PARD3: variants seen among roughly 807,000 people sequenced by gnomAD.
PARD3 encodes the protein partitioning defective 3 homolog.
Under a neutral mutation model 155.4 loss-of-function variants are expected in PARD3, and 75 were observed. The ratio of observed to expected loss-of-function variants is 0.48; its 90% CI spans 0.40 to 0.58. PARD3 has a LOEUF of 0.58. Among genes scored for constraint, PARD3 ranks in the 20% least tolerant of loss-of-function variants. The pLI is 0.00. For missense variants in PARD3, 1,642 were observed against 1,721.7 expected (o/e 0.95, Z 0.82); for synonymous variants, 576 against 610.5 (o/e 0.94, Z 0.83).
At chr10:34,741,173 A>ATTTTTTTTTTT (rs1470627211) in intron 1 of PARD3, among the ~76,000 whole-genome samples, 1 of 82,946 alleles carries the variant, frequency 1.2e-5, no homozygotes, top group African/African-American at 3.4e-5. Context: ...TCGTAAACCA[A>ATTTTTTTTTTT]ATTTTTTTTT....
chr10:34,269,264 A>G (rs1412482026), intron 22 of PARD3, among the ~76,000 whole-genome samples: 2 of 152,222 alleles, frequency 1.3e-5, no homozygotes, highest in East Asian at 3.8e-4. Context: ...CTAAATCATA[A>G]GTGGAACAAA....
At chr10:34,340,924 T>C (rs1307035831) in intron 16 of PARD3, among the ~76,000 whole-genome samples, 2 of 152,178 alleles carry the variant, frequency 1.3e-5, no homozygotes, top group Non-Finnish European at 2.9e-5. Context: ...ATACTTCACA[T>C]GGTTTGTGTT....
intron 4 of PARD3, among the ~76,000 whole-genome samples, chr10:34,452,594 T>A (rs2077118003): frequency 6.6e-6 from 1 of 152,112 alleles, no homozygotes; most frequent in African/African-American, 2.4e-5. Flanking sequence ...ACCCCTCTGC[T>A]CCTTCCTGAA....
chr10:34,295,444 G>A (rs965187238), intron 20 of PARD3, among the ~76,000 whole-genome samples: 4 of 152,148 alleles, frequency 2.6e-5, no homozygotes, highest in African/African-American at 4.8e-5. Context: ...GAACTGTCAC[G>A]TCTGCACTGC....
chr10:34,313,173 T>C (rs11591230), intron 20 of PARD3, among the ~76,000 whole-genome samples: 2,996 of 152,336 alleles, frequency 0.02, 51 homozygotes, highest in Non-Finnish European at 0.031. Context: ...TAAATTTGAA[T>C]AGCCGAGTGT....
At chr10:34,402,615 G>A (rs140737037) in intron 5 of PARD3, among the ~76,000 whole-genome samples, 2 of 152,182 alleles carry the variant, frequency 1.3e-5, no homozygotes, top group African/African-American at 4.8e-5. Context: ...ACAAGCTAAA[G>A]TAACAAAGTA....
intron 1 of PARD3, among the ~76,000 whole-genome samples, chr10:34,777,540 T>G (rs936379961): frequency 2.6e-5 from 4 of 152,156 alleles, no homozygotes; most frequent in Non-Finnish European, 1.5e-5. Context: ...GACATTTGGA[T>G]AATTTTTATT....
intron 7 of PARD3, among the ~76,000 whole-genome samples, chr10:34,388,586 C>A (rs933763623): frequency 6.6e-6 from 1 of 152,086 alleles, no homozygotes; most frequent in Non-Finnish European, 1.5e-5. Flanking sequence ...AGAATTTGTT[C>A]TAAAGTAATA....
intron 2 of PARD3, among the ~76,000 whole-genome samples, chr10:34,592,095 A>T (rs900987802): frequency 1.3e-5 from 2 of 150,896 alleles, no homozygotes; most frequent in African/African-American, 4.9e-5. Context: ...CCCAAACTTT[A>T]GGCGCTCCTA....
chr10:34,316,118 TA>T (rs986436582), intron 20 of PARD3, among the ~76,000 whole-genome samples: 1 of 152,156 alleles, frequency 6.6e-6, no homozygotes, highest in Non-Finnish European at 1.5e-5. Context: ...TTTTGCAATT[TA>T]AAAAAAAGTT....
chr10:34,576,276 C>T (rs1485425246), intron 2 of PARD3, among the ~76,000 whole-genome samples: 1 of 152,206 alleles, frequency 6.6e-6, no homozygotes, highest in Non-Finnish European at 1.5e-5. Context: ...TGCCTCTGGC[C>T]TCTCTTCCTC....
At chr10:34,514,860 G>A (rs1465841467) in intron 3 of PARD3, among the ~76,000 whole-genome samples, 2 of 152,162 alleles carry the variant, frequency 1.3e-5, no homozygotes, top group East Asian at 3.9e-4. Context: ...TCAACATAAA[G>A]AAATTAACCT....
chr10:34,157,930 C>T (rs969277857), intron 22 of PARD3, among the ~76,000 whole-genome samples: 17 of 152,194 alleles, frequency 1.1e-4, no homozygotes, highest in Non-Finnish European at 2.2e-4. Flanking sequence ...AATAAAAGCG[C>T]TATATTTCAT....
chr10:34,647,920 T>C (rs1452800915), intron 2 of PARD3, among the ~76,000 whole-genome samples: 1 of 152,228 alleles, frequency 6.6e-6, no homozygotes, highest in Non-Finnish European at 1.5e-5. Context: ...AATTAAAACC[T>C]CAGAGAATGG....
intron 4 of PARD3, among the ~76,000 whole-genome samples, chr10:34,466,408 T>C (rs1360558904): frequency 6.6e-6 from 1 of 152,186 alleles, no homozygotes; most frequent in East Asian, 1.9e-4. Flanking sequence ...TTTGACATGA[T>C]GGTGCTCTAA....
chr10:34,805,681 A>G (rs114871028), intron 1 of PARD3, among the ~76,000 whole-genome samples: 3,281 of 151,922 alleles, frequency 0.022, 117 homozygotes, highest in African/African-American at 0.076. Context: ...CCTTGAGACA[A>G]TAAGAAATTC....
intron 19 of PARD3, among the ~76,000 whole-genome samples, chr10:34,318,380 A>AT (rs1292110114): frequency 6.6e-6 from 1 of 152,162 alleles, no homozygotes; most frequent in African/African-American, 2.4e-5. Context: ...TTCTTAAGTC[A>AT]TTTTTCTTTT....
chr10:34,362,072 G>C (rs1468266189), intron 12 of PARD3, among the ~76,000 whole-genome samples: 2 of 152,136 alleles, frequency 1.3e-5, no homozygotes, highest in East Asian at 3.9e-4. Flanking sequence ...GGTCGAAGCA[G>C]GTGGATCACG....
chr10:34,252,533 A>G (rs1007655703), intron 22 of PARD3, among the ~76,000 whole-genome samples: 1 of 152,118 alleles, frequency 6.6e-6, no homozygotes, highest in Non-Finnish European at 1.5e-5. Flanking sequence ...TCCTGTCTGC[A>G]CACACCTGTC....
Sources: allele counts gnomAD v4.1 joint callset (sites outside exome capture counted in the v4.1 genomes callset), GRCh38; gene constraint gnomAD v4.1.1; transcripts MANE v1.5; gene names NCBI Gene and HGNC (gene_info 2026-07-23, HGNC 2026-07-21).